Variants in SLC75A1 observed in about 807,000 individuals in gnomAD.
SLC75A1 encodes the protein major facilitator superfamily domain containing 10.
At chr4:2,931,532 C>G in the SLC75A1 span, 1 of 1,605,050 alleles carries the variant, frequency 6.2e-7, no homozygotes, top group South Asian at 1.1e-5. Flanking sequence ...TGCCTGCCAC[C>G]CGCTTTGGAG....
At chr4:2,933,924 G>A in the SLC75A1 span, 6 of 1,560,900 alleles carry the variant, frequency 3.8e-6, no homozygotes, top group Admixed American at 3.8e-5. Flanking sequence ...CCCATCCCAT[G>A]GTGGGCTGCT....
At chr4:2,932,494 A>C in the SLC75A1 span, 6 of 1,613,630 alleles carry the variant, frequency 3.7e-6, no homozygotes, top group Non-Finnish European at 5.1e-6. Context: ...CCCAGTGAGA[A>C]GGCCACCCCA....
At chr4:2,933,571 G>T in the SLC75A1 span, 1 of 1,613,846 alleles carries the variant, frequency 6.2e-7, no homozygotes, top group East Asian at 2.2e-5. Context: ...CCATACCTCC[G>T]AACAGGACAC....
the SLC75A1 span, chr4:2,932,349 A>G: frequency 6.2e-7 from 1 of 1,611,988 alleles, no homozygotes; most frequent in Admixed American, 1.7e-5. Context: ...CCACAGCCCT[A>G]CCCGTTTCTC....
the SLC75A1 span, chr4:2,931,885 AG>A: frequency 1.2e-6 from 2 of 1,611,370 alleles, no homozygotes; most frequent in Non-Finnish European, 1.7e-6. Flanking sequence ...GCCCGAGAAC[AG>A]GAAGAGGTAG....
chr4:2,933,101 C>T, the SLC75A1 span: 1 of 1,613,048 alleles, frequency 6.2e-7, no homozygotes, highest in African/African-American at 1.3e-5. Flanking sequence ...GGCCCAGGAA[C>T]ATACCAGGCA....
At chr4:2,931,864 G>A in the SLC75A1 span, 31 of 1,610,136 alleles carry the variant, frequency 1.9e-5, no homozygotes, top group African/African-American at 1.1e-4. Context: ...GAAGCTCAGC[G>A]TGTACTCCAG....
chr4:2,931,039 C>T, the SLC75A1 span: 1 of 1,610,102 alleles, frequency 6.2e-7, no homozygotes. Flanking sequence ...CAGCCTGCCC[C>T]AGCACCATCC....
chr4:2,931,407 A>G, the SLC75A1 span: 52 of 1,551,736 alleles, frequency 3.4e-5, no homozygotes, highest in African/African-American at 6.7e-4. Context: ...CAGGCCCAGC[A>G]CGGGCAGAGA....
chr4:2,933,430 G>C, the SLC75A1 span: 1 of 1,008,286 alleles, frequency 9.9e-7, no homozygotes, highest in South Asian at 1.4e-5. Context: ...GCCAGGACAT[G>C]TGGGCAAGGG....
At chr4:2,933,860 G>A in the SLC75A1 span, 54 of 1,584,660 alleles carry the variant, frequency 3.4e-5, no homozygotes, top group Non-Finnish European at 3.9e-5. Flanking sequence ...ACCACGCGGC[G>A]CTCCGGCGGC....
the SLC75A1 span, chr4:2,930,752 C>CG: frequency 5.2e-5 from 76 of 1,452,150 alleles, no homozygotes; most frequent in African/African-American, 7.0e-4. Context: ...CCTGGACTGG[C>CG]GGGGGGTGGG....
chr4:2,934,057 C>G, the SLC75A1 span: 2 of 1,001,374 alleles, frequency 2.0e-6, no homozygotes, highest in East Asian at 2.6e-5. Flanking sequence ...GGCAGGGGCT[C>G]TGGCCTACGG....
the SLC75A1 span, chr4:2,930,766 C>T: frequency 3.3e-6 from 5 of 1,511,746 alleles, no homozygotes; most frequent in Non-Finnish European, 4.5e-6. Context: ...GGGTGGGGGT[C>T]AGGCAGTGGG....
the SLC75A1 span, chr4:2,930,885 GGAA>G: frequency 6.2e-7 from 1 of 1,613,114 alleles, no homozygotes; most frequent in Non-Finnish European, 8.5e-7. Flanking sequence ...TTCTGCAGGA[GGAA>G]GAAGGGGAGC....
chr4:2,930,568 A>AAAAC, the SLC75A1 span: 862 of 537,914 alleles, frequency 1.6e-3, 3 homozygotes, highest in Middle Eastern at 4.9e-3. Flanking sequence ...CACTTGGTAT[A>AAAAC]AAACAAACAG....
the SLC75A1 span, chr4:2,932,412 G>A: frequency 1.2e-6 from 2 of 1,613,682 alleles, no homozygotes; most frequent in East Asian, 2.2e-5. Flanking sequence ...GTCGGAGGCT[G>A]CGAAGAGCAG....
chr4:2,931,694 C>T, the SLC75A1 span: 59 of 1,594,334 alleles, frequency 3.7e-5, no homozygotes, highest in South Asian at 2.4e-4. Context: ...GCAGGGCACC[C>T]GGGGCAGGGC....
At chr4:2,934,311 C>CG in the SLC75A1 span, 8 of 249,238 alleles carry the variant, frequency 3.2e-5, no homozygotes, top group Non-Finnish European at 4.8e-5. Context: ...ATCCCGATCC[C>CG]AACCCCAACC....
Sources: gnomAD v4.1 joint callset for allele counts on GRCh38, gnomAD v4.1.1 for gene constraint, MANE v1.5 for transcripts, NCBI Gene and HGNC (gene_info 2026-07-23, HGNC 2026-07-21) for gene names.